PPFIBP2: variants seen among roughly 807,000 people sequenced by gnomAD.
PPFIBP2 encodes liprin-beta-2.
In PPFIBP2, 118 loss-of-function variants were observed where a neutral mutation model predicts 118.3. The observed-to-expected ratio is 1.00, with a 90% CI of 0.86 to 1.16. PPFIBP2 has a LOEUF of 1.16. Among genes scored for constraint, PPFIBP2 ranks in the 50% most tolerant of loss-of-function variants. The probability of loss-of-function intolerance (pLI) is 0.00; values close to 1 mark genes in which losing one functional copy is unlikely to be tolerated. For synonymous variants in PPFIBP2, 414 were observed against 397.4 expected, an observed-to-expected ratio of 1.04 and a Z score of -0.50; for missense variants, 1,195 against 1,073.1, an observed-to-expected ratio of 1.11 and a Z score of -1.59.
chr11:7,584,492 A>G (rs1448152006), intron 3 of PPFIBP2, among the ~76,000 whole-genome samples: 2 of 152,204 alleles, frequency 1.3e-5, no homozygotes, highest in South Asian at 2.1e-4. Flanking sequence ...TTTCTTTAAC[A>G]CTGTGACAAA....
intron 4 of PPFIBP2, among the ~76,000 whole-genome samples, chr11:7,596,769 C>T (rs1369481084): frequency 6.6e-6 from 1 of 152,144 alleles, no homozygotes; most frequent in Non-Finnish European, 1.5e-5. Context: ...TTGCTTTGAA[C>T]CATCTCTTAA....
intron 6 of PPFIBP2, among the ~76,000 whole-genome samples, chr11:7,620,533 T>C (rs1030124586): frequency 1.3e-5 from 2 of 152,110 alleles, no homozygotes; most frequent in Non-Finnish European, 2.9e-5. Flanking sequence ...AGAGAGATGC[T>C]CCCAATTAGC....
chr11:7,544,872 GCTCT>G (rs1032615795), intron 1 of PPFIBP2, among the ~76,000 whole-genome samples: 5 of 151,658 alleles, frequency 3.3e-5, no homozygotes, highest in African/African-American at 4.9e-5. Context: ...TTGGGTTCTG[GCTCT>G]CTCTGTCTTC....
rs982590065 is a variant in PPFIBP2 at position 7,648,992 on chromosome 11, T to C, written c.1909+81T>C. 16 of 1,389,988 alleles carry C rather than the reference T, an allele frequency of 1.2e-5. No homozygotes were observed. The African/African-American group carries it at 2.1e-4, about 19-fold the overall frequency. The allele number at this position is 1,389,988 out of a possible 1,614,324, so 86.1% of individuals were successfully genotyped here. ...AGAATTTTCCTGTTAAATGGGTACCTCAAGGACAGCTGTCTCCTTGTAAAA... is the reference window on the plus strand; with the variant it reads ...AGAATTTTCCTGTTAAATGGGTACCCCAAGGACAGCTGTCTCCTTGTAAAA... On this transcript the variant is annotated intron_variant, in intron 19 of 23. Transcript: ENST00000299492.
At chr11:7,618,743 G>T (rs574604714) in intron 6 of PPFIBP2, among the ~76,000 whole-genome samples, 1 of 151,806 alleles carries the variant, frequency 6.6e-6, no homozygotes, top group South Asian at 2.1e-4. Flanking sequence ...CACCACGCCC[G>T]GCTAACTTTT....
chr11:7,558,862 T>C (rs981693978), intron 2 of PPFIBP2, among the ~76,000 whole-genome samples: 18 of 152,168 alleles, frequency 1.2e-4, no homozygotes, highest in African/African-American at 4.1e-4. Flanking sequence ...TAAATTTTGG[T>C]TTTGCTCCTT....
chr11:7,597,169 C>A lies in PPFIBP2; in HGVS notation c.373-391C>A, dbSNP rs79156246. ...TTGGTTAGTTTCCATGAAGTTTGGA[C>A]CGCTCTTCCACACGAGGTTGCAGAA... is the stretch of plus-strand genomic sequence containing the variant. On this transcript the variant is annotated intron_variant, in intron 4 of 23. Transcript: ENST00000299492. The A allele has an allele frequency of 3.6e-3, 5,311 of 1,458,624 alleles. 193 individuals are homozygous for A. The African/African-American group carries it at 0.069, about 19-fold the overall frequency. 90.4% of individuals were successfully genotyped at this position (1,458,624 alleles called of 1,614,324 possible).
chr11:7,531,425 C>T (rs1298318713), intron 1 of PPFIBP2, among the ~76,000 whole-genome samples: 1 of 152,170 alleles, frequency 6.6e-6, no homozygotes, highest in Non-Finnish European at 1.5e-5. Context: ...TAAAATCTGG[C>T]CTCACTAAAT....
At chr11:7,649,039 T>G (rs1197268557) in intron 19 of PPFIBP2, 108 bp from the exon 20 acceptor site, 1 of 1,363,600 alleles carries the variant, frequency 7.3e-7, no homozygotes, top group East Asian at 2.3e-5. Context: ...TACTAAACTT[T>G]TGGGGGAATA....
chr11:7,535,766 G>A (rs556797114), intron 1 of PPFIBP2, among the ~76,000 whole-genome samples: 1 of 152,312 alleles, frequency 6.6e-6, no homozygotes, highest in African/African-American at 2.4e-5. Flanking sequence ...AGGTTCTCCA[G>A]TGCCCTGGTT....
chr11:7,662,194 T>C, the PPFIBP2 span, among the ~76,000 whole-genome samples: 1 of 151,944 alleles, frequency 6.6e-6, no homozygotes. Context: ...GTCATTATGA[T>C]GTTAGCTGGT....
At chr11:7,548,307 A>G (rs1564960226) in intron 1 of PPFIBP2, 1 of 152,088 alleles carries the variant, frequency 6.6e-6, no homozygotes, top group Non-Finnish European at 1.5e-5. Flanking sequence ...GGTGGTGCCC[A>G]TTTTCCTGTC....
chr11:7,538,341 G>A (rs1280970948), intron 1 of PPFIBP2: 4 of 152,560 alleles, frequency 2.6e-5, no homozygotes, highest in Non-Finnish European at 4.4e-5. Context: ...GTCTGACTTC[G>A]GGGCACCCGG....
chr11:7,590,933 T>A (rs767415037), intron 3 of PPFIBP2, among the ~76,000 whole-genome samples: 3 of 152,220 alleles, frequency 2.0e-5, no homozygotes, highest in Non-Finnish European at 4.4e-5. Flanking sequence ...ATGCTTCTCC[T>A]AGGCAATTGA....
At chr11:7,554,854 A>C (rs1429055333) in intron 2 of PPFIBP2, among the ~76,000 whole-genome samples, 1 of 148,532 alleles carries the variant, frequency 6.7e-6, no homozygotes, top group Non-Finnish European at 1.5e-5. Context: ...AGTATTTTAT[A>C]TCAGAAAGTT....
In PPFIBP2 at chr11:7,599,603, C is replaced by CT. The variant is rs1200973519; in HGVS notation, c.486+1936dup. Among the ~76,000 whole-genome samples the CT allele has an allele frequency of 4.7e-5, 7 of 149,918 alleles. No homozygotes were observed. In the South Asian group the frequency reaches 1.3e-3, roughly 28 times the overall value. On this transcript the variant is annotated intron_variant, in intron 5 of 23. Transcript: ENST00000299492. ...ATCATCCCATGGATGGCATTTTAGA[C>CT]TTTTTTAAAGTCATAAACTCAATTA...
At chr11:7,659,315 T>C (rs1488108166), downstream of PPFIBP2, among the ~76,000 whole-genome samples, 1 of 148,776 alleles carries the variant, frequency 6.7e-6, no homozygotes, top group Non-Finnish European at 1.5e-5. Context: ...TTGAATTGAT[T>C]TTTGTATAAG....
chr11:7,641,059 G>A (rs756181258), intron 15 of PPFIBP2: 4 of 1,278,886 alleles, frequency 3.1e-6, no homozygotes, highest in South Asian at 2.5e-5. Context: ...CAGTGCCCCC[G>A]TATTAGGTAC....
At chr11:7,599,031 A>C (rs964655986) in intron 5 of PPFIBP2, among the ~76,000 whole-genome samples, 24 of 151,488 alleles carry the variant, frequency 1.6e-4, no homozygotes, top group African/African-American at 5.6e-4. Flanking sequence ...TTGATTTTCT[A>C]CTTAGGTTGT....
Sources: gnomAD v4.1 joint callset for allele counts (sites outside exome capture counted in the v4.1 genomes callset) on GRCh38, gnomAD v4.1.1 for gene constraint, MANE v1.5 for transcripts, NCBI Gene and HGNC (gene_info 2026-07-23, HGNC 2026-07-21) for gene names.